SANBR: variants seen among roughly 807,000 people sequenced by gnomAD.
SANBR encodes the protein SANT and BTB domain regulator of CSR, also known as SANT and BTB domain regulator of class switch recombination.
A neutral mutation model predicts 101.8 loss-of-function variants in SANBR; 77 were observed. The ratio of observed to expected loss-of-function variants is 0.76; its 90% CI spans 0.63 to 0.91. The LOEUF is 0.91. SANBR is among the 40% of genes least tolerant of loss of function. SANBR has a pLI of 0.00. For missense variants in SANBR, 875 were observed against 853.0 expected, an observed-to-expected ratio of 1.03 and a Z score of -0.32; for synonymous variants, 279 against 274.7, an observed-to-expected ratio of 1.02 and a Z score of -0.15.
chr2:61,117,621 T>C, intron 19 of SANBR, 81 bp downstream of exon 19: 1 of 1,239,292 alleles, frequency 8.1e-7, no homozygotes, highest in Non-Finnish European at 1.2e-6. Flanking sequence ...TACAGTATGC[T>C]GAATAGCTCT....
At chr2:61,134,155 A>G (rs560957089) in exon 21 of SANBR, 160 of 1,614,048 alleles carry the variant, frequency 9.9e-5, no homozygotes, top group Non-Finnish European at 1.3e-4. Context: ...ACTGAGACCC[A>G]GAGACGGCAC....
At chr2:61,109,352 G>A in intron 16 of SANBR, 56 bp downstream of exon 16, 1 of 1,007,482 alleles carries the variant, frequency 9.9e-7, no homozygotes, top group Non-Finnish European at 1.5e-6. Flanking sequence ...GTTACATTCT[G>A]AAGCCTTTAA....
At chr2:61,104,021 A>G (rs779668134) in intron 13 of SANBR, 23 bp downstream of exon 13, 3 of 1,609,754 alleles carry the variant, frequency 1.9e-6, no homozygotes, top group South Asian at 1.1e-5. Flanking sequence ...AAAACCCAAC[A>G]CTGTATTATA....
chr2:61,080,411 C>G (rs1288292289), intron 6 of SANBR, among the ~76,000 whole-genome samples: 3 of 152,002 alleles, frequency 2.0e-5, no homozygotes, highest in Non-Finnish European at 4.4e-5. Context: ...CAGCTTTTTC[C>G]TCCCTTCACC....
chr2:61,106,624 A>G lies in SANBR; in HGVS notation c.1573A>G (p.Asn525Asp), dbSNP rs776739007. The G allele has an allele frequency of 8.7e-6, 14 of 1,600,960 alleles. No individual in the cohort carries two copies. In the East Asian group the frequency reaches 1.6e-4, roughly 18 times the overall value. ...GIECDVLLEP[N>D]TPWGPKTGEL... The stretch of plus-strand genomic sequence containing the variant: ...AGAATGTGATGTTTTACTGGAGCCA[A>G]ATACACCATGGGGTCCCAAAACTGG... Residue 525 changes from asparagine to aspartate, a missense_variant, in exon 14 of 22, where the codon AAT becomes GAT. By Grantham distance (23) the Asn-to-Asp change is conservative. Transcript: ENST00000402291.
At chr2:61,084,899 G>T (rs1047848325) in intron 8 of SANBR, among the ~76,000 whole-genome samples, 12 of 152,130 alleles carry the variant, frequency 7.9e-5, no homozygotes, top group Non-Finnish European at 1.8e-4. Context: ...ACAGATTTAT[G>T]AATGTAATGA....
chr2:61,086,711 G>C (rs1473073657), intron 8 of SANBR, among the ~76,000 whole-genome samples: 1 of 152,160 alleles, frequency 6.6e-6, no homozygotes, highest in South Asian at 2.1e-4. Context: ...ATTAGCAGTA[G>C]CTATTAGGGA....
chr2:61,110,773 A>C (rs1212639204), intron 16 of SANBR, among the ~76,000 whole-genome samples: 1 of 151,480 alleles, frequency 6.6e-6, no homozygotes, highest in Non-Finnish European at 1.5e-5. Context: ...ACTTGAACCC[A>C]GGAAGGGGAG....
Position 61,071,695 on chromosome 2 carries a change from T to C in SANBR, c.240T>C (p.Pro80=). Residue 80 remains proline, a synonymous_variant, in exon 4 of 22, where the codon CCT becomes CCC. Coordinates refer to ENST00000402291, the MANE Select transcript of SANBR (RefSeq NM_001129993.3). ...CCCTAATGGCTGCTGGAGAGAGTCC[T>C]GTTGAAACTTTAGCCACATATATCA... ...YNSLMAAGES[P]VETLATYIKS... 1 of 1,606,904 alleles carries C rather than the reference T, an allele frequency of 6.2e-7. No homozygotes were observed. Among genetic ancestry groups the C allele is most frequent in the Non-Finnish European group, 8.5e-7 (1 of 1,177,342 alleles).
At chr2:61,090,711 ACAGGGTTTGTGTGTG>A (rs1682702633) in intron 10 of SANBR, 1 of 103,940 alleles carries the variant, frequency 9.6e-6, no homozygotes, top group South Asian at 2.7e-4. Flanking sequence ...GTGTGTGGGC[ACAGGGTTTGTGTGTG>A]TGTGTGTGTG....
chr2:61,097,996 T>TAAGA, intron 12 of SANBR, 144 bp downstream of exon 12: 5 of 538,438 alleles, frequency 9.3e-6, no homozygotes, highest in South Asian at 4.0e-5. Context: ...CATCTCTTCT[T>TAAGA]AGAGATAATC....
chr2:61,116,791 G>A (rs1167256972), intron 17 of SANBR, among the ~76,000 whole-genome samples: 1 of 152,120 alleles, frequency 6.6e-6, no homozygotes, highest in Non-Finnish European at 1.5e-5. Flanking sequence ...GATCACTCAT[G>A]CCTGTAATCC....
intron 10 of SANBR, 72 bp from the exon 11 acceptor site, chr2:61,092,392 A>T (rs950412962): frequency 8.4e-7 from 1 of 1,191,316 alleles, no homozygotes; most frequent in Non-Finnish European, 1.1e-6. Flanking sequence ...CTCAAAGAAG[A>T]TAATAATTAA....
chr2:61,100,270 A>G (rs1292959246), intron 12 of SANBR, among the ~76,000 whole-genome samples: 13 of 151,978 alleles, frequency 8.6e-5, no homozygotes, highest in Admixed American at 8.5e-4. Context: ...ATGCCTGGCT[A>G]ATTTTTGTAT....
intron 6 of SANBR, among the ~76,000 whole-genome samples, chr2:61,080,477 C>G (rs1452002074): frequency 6.6e-6 from 1 of 152,180 alleles, no homozygotes; most frequent in Non-Finnish European, 1.5e-5. Flanking sequence ...AATCCCAGCA[C>G]TTTGGGAGGC....
chr2:61,103,026 A>G (rs1167573949), intron 12 of SANBR, among the ~76,000 whole-genome samples: 2 of 152,184 alleles, frequency 1.3e-5, no homozygotes, highest in Non-Finnish European at 2.9e-5. Context: ...CATCAGTGGT[A>G]GAAGAGTAAA....
chr2:61,122,283 C>A lies in SANBR; in HGVS notation c.*121C>A. ...TGTTTTATGTTATTATTATTTTAAT[C>A]CACATAAATCATAATTCTAAAAGAA... is the stretch of plus-strand genomic sequence containing the variant. On this transcript the variant is annotated 3_prime_UTR_variant, in exon 22 of 22. Coordinates refer to ENST00000402291, the MANE Select transcript of SANBR (RefSeq NM_001129993.3). 1 of 1,316,836 alleles carries A rather than the reference C, an allele frequency of 7.6e-7. No individual in the cohort carries two copies. Among genetic ancestry groups the A allele is most frequent in the Non-Finnish European group, 9.9e-7 (1 of 1,005,136 alleles). The allele number at this position is 1,316,836 out of a possible 1,614,324, so 81.6% of individuals were successfully genotyped here.
At chr2:61,083,383 G>T in intron 8 of SANBR, 69 bp downstream of exon 8, 4 of 989,588 alleles carry the variant, frequency 4.0e-6, no homozygotes, top group Non-Finnish European at 6.0e-6. Flanking sequence ...TTTCATGTGA[G>T]TGAAATATTC....
chr2:61,107,948 G>T (rs1683654457), intron 14 of SANBR, among the ~76,000 whole-genome samples: 1 of 151,592 alleles, frequency 6.6e-6, no homozygotes, highest in Non-Finnish European at 1.5e-5. Context: ...CAACAAACTA[G>T]ATTTATTGAA....
Sources: allele counts gnomAD v4.1 joint callset (sites outside exome capture counted in the v4.1 genomes callset), GRCh38; gene constraint gnomAD v4.1.1; transcripts MANE v1.5; gene names NCBI Gene and HGNC (gene_info 2026-07-23, HGNC 2026-07-21).